Variants in RB1 observed in about 807,000 individuals in gnomAD.
RB1 encodes retinoblastoma-associated protein.
In RB1, 18 loss-of-function variants were observed where a neutral mutation model predicts 135.4. That is an observed-to-expected ratio of 0.13 (90% confidence interval 0.09 to 0.20). RB1 has a LOEUF of 0.20. Among genes scored for constraint, RB1 ranks in the 10% least tolerant of loss-of-function variants. The probability of loss-of-function intolerance (pLI) is 1.00; values close to 1 mark genes in which losing one functional copy is unlikely to be tolerated. For synonymous variants in RB1, 365 were observed against 373.2 expected (o/e 0.98, Z 0.25); for missense variants, 868 against 1,110.0 (o/e 0.78, Z 3.10).
chr13:48,442,209 T>A (rs936992429), intron 17 of RB1, among the ~76,000 whole-genome samples: 7 of 151,984 alleles, frequency 4.6e-5, no homozygotes, highest in Non-Finnish European at 7.4e-5. Context: ...GAATTTTATT[T>A]TTTTTTTTTG....
At chr13:48,416,102 TG>T (rs1458256014) in intron 17 of RB1, among the ~76,000 whole-genome samples, 2 of 152,190 alleles carry the variant, frequency 1.3e-5, no homozygotes, top group African/African-American at 4.8e-5. Context: ...ATGGATTTTT[TG>T]GGGGGAGCGA....
chr13:48,306,605 A>T (rs1162400058), intron 1 of RB1, among the ~76,000 whole-genome samples: 4 of 152,186 alleles, frequency 2.6e-5, no homozygotes, highest in Non-Finnish European at 4.4e-5. Flanking sequence ...TACAGATGAG[A>T]ATACTTATCT....
chr13:48,375,370 C>T (rs1356643490), intron 12 of RB1, among the ~76,000 whole-genome samples: 1 of 151,682 alleles, frequency 6.6e-6, no homozygotes, highest in Non-Finnish European at 1.5e-5. Flanking sequence ...GCCACCTTCC[C>T]TCCATGTAAA....
rs941578984 is a variant in RB1 at position 48,318,197 on chromosome 13, T to G, written c.264+10791T>G. ...CACAGACACTGGGAGGTTTGTTCCCTGGACCCTCGCCGCTGTCTCTCTTGG... is the reference window on the plus strand; with the variant it reads ...CACAGACACTGGGAGGTTTGTTCCCGGGACCCTCGCCGCTGTCTCTCTTGG... On this transcript the variant is annotated intron_variant, in intron 2 of 26. Transcript: ENST00000267163. 7 of 585,876 alleles carry G rather than the reference T, an allele frequency of 1.2e-5. No homozygotes were observed. In the South Asian group the frequency reaches 1.4e-4, roughly 12 times the overall value. The allele number at this position is 585,876 out of a possible 1,614,324, so 36.3% of individuals were successfully genotyped here.
intron 4 of RB1, among the ~76,000 whole-genome samples, chr13:48,346,761 T>C (rs1952502302): frequency 6.6e-6 from 1 of 152,096 alleles, no homozygotes; most frequent in African/African-American, 2.4e-5. Context: ...GGAAGAAACC[T>C]AGACCACTAA....
chr13:48,385,487 T>C (rs943022796), intron 17 of RB1, among the ~76,000 whole-genome samples: 100 of 152,040 alleles, frequency 6.6e-4, no homozygotes, highest in African/African-American at 2.3e-3. Flanking sequence ...GCAGTAGGTA[T>C]AGGGAAGGAC....
intron 17 of RB1, among the ~76,000 whole-genome samples, chr13:48,386,090 G>A (rs1404902628): frequency 6.7e-6 from 1 of 149,396 alleles, no homozygotes; most frequent in Middle Eastern, 3.6e-3. Flanking sequence ...GCATGTTCCT[G>A]TGGTCCTAGG....
intron 11 of RB1, 70 bp from the exon 12 acceptor site, chr13:48,373,334 GA>G (rs1178366252): frequency 1.1e-5 from 10 of 945,762 alleles, no homozygotes; most frequent in Non-Finnish European, 1.7e-5. Flanking sequence ...TTGGGAGATG[GA>G]AAACATTTCA....
At chr13:48,387,035 A>G (rs1948576352) in intron 17 of RB1, among the ~76,000 whole-genome samples, 1 of 152,194 alleles carries the variant, frequency 6.6e-6, no homozygotes, top group African/African-American at 2.4e-5. Flanking sequence ...GAAAACAGTA[A>G]CCATAATTAT....
intron 17 of RB1, among the ~76,000 whole-genome samples, chr13:48,441,341 TATC>T (rs1013055116): frequency 5.3e-5 from 8 of 152,222 alleles, no homozygotes; most frequent in African/African-American, 1.9e-4. Context: ...TACCTTTACA[TATC>T]AAATTTCTAT....
At chr13:48,311,771 T>C (rs568441606) in intron 2 of RB1, among the ~76,000 whole-genome samples, 6 of 152,350 alleles carry the variant, frequency 3.9e-5, no homozygotes, top group East Asian at 1.9e-4. Context: ...CGTGGCACGA[T>C]CTCGGCTCAC....
chr13:48,380,922 C>G (rs1306849693), intron 16 of RB1, among the ~76,000 whole-genome samples: 3 of 152,032 alleles, frequency 2.0e-5, no homozygotes, highest in Admixed American at 6.6e-5. Flanking sequence ...TATCCTCTTA[C>G]CAAGGATTAA....
chr13:48,401,740 T>A (rs1345789506), intron 17 of RB1, among the ~76,000 whole-genome samples: 1 of 152,184 alleles, frequency 6.6e-6, no homozygotes, highest in Non-Finnish European at 1.5e-5. Context: ...TAGAACATGA[T>A]AAGGAAACGT....
At chr13:48,426,588 C>G (rs1442630510) in intron 17 of RB1, 1 of 152,248 alleles carries the variant, frequency 6.6e-6, no homozygotes, top group Non-Finnish European at 1.5e-5. Context: ...ACCCCTGTTA[C>G]AACTAGCCAT....
chr13:48,404,686 C>T (rs1323335536), intron 17 of RB1, among the ~76,000 whole-genome samples: 2 of 151,826 alleles, frequency 1.3e-5, no homozygotes, highest in African/African-American at 4.8e-5. Context: ...GACAACGCGC[C>T]CAGATAATTT....
intron 17 of RB1, among the ~76,000 whole-genome samples, chr13:48,382,059 C>A (rs1013732767): frequency 2.6e-5 from 4 of 152,066 alleles, no homozygotes; most frequent in Non-Finnish European, 4.4e-5. Flanking sequence ...TATATATGTG[C>A]CACATATTCC....
Position 48,456,075 on chromosome 13 carries a change from A to G in RB1, c.1815-129A>G, listed in dbSNP as rs1246963166. 1.2e-5 allele frequency: 17 copies of G among 1,474,510 alleles called. 1 individual carries two copies. Among genetic ancestry groups the G allele is most frequent in the Middle Eastern group, 2.3e-4 (1 of 4,308 alleles). The allele number at this position is 1,474,510 out of a possible 1,614,324, so 91.3% of individuals were successfully genotyped here. A position where few individuals can be genotyped will look rare whatever the true frequency, so the allele number is the denominator to read the frequency against. ...TATTAATATATCTTTCCCAGCTTGCATTTAAATAGTCTGCTATAATACCAA... is the reference window on the plus strand; with the variant it reads ...TATTAATATATCTTTCCCAGCTTGCGTTTAAATAGTCTGCTATAATACCAA... On this transcript the variant is annotated intron_variant, in intron 18 of 26. Transcript: ENST00000267163.
At chr13:48,453,946 T>C (rs1293062240) in intron 18 of RB1, among the ~76,000 whole-genome samples, 1 of 152,244 alleles carries the variant, frequency 6.6e-6, no homozygotes, top group African/African-American at 2.4e-5. Flanking sequence ...GTTTCTTGCA[T>C]GACTCAGATT....
At chr13:48,377,355 G>T (rs907068914) in intron 13 of RB1, among the ~76,000 whole-genome samples, 3 of 152,134 alleles carry the variant, frequency 2.0e-5, no homozygotes, top group African/African-American at 7.2e-5. Context: ...GACTGTTCAT[G>T]TATGCATATC....
Sources: allele counts gnomAD v4.1 joint callset (sites outside exome capture counted in the v4.1 genomes callset), GRCh38; gene constraint gnomAD v4.1.1; transcripts MANE v1.5; gene names NCBI Gene and HGNC (gene_info 2026-07-23, HGNC 2026-07-21).